The following MAP4K4 variants were observed in gnomAD, a reference collection of about 807,000 sequenced individuals.
MAP4K4 encodes the protein HPK/GCK-like kinase HGK.
Under a neutral mutation model 189.6 loss-of-function variants are expected in MAP4K4, and 38 were observed. That is an observed-to-expected ratio of 0.20 (90% CI 0.15 to 0.26). The LOEUF (loss-of-function observed/expected upper bound fraction) is 0.26. MAP4K4 is among the 10% of genes least tolerant of loss of function. The pLI is 1.00. For missense variants in MAP4K4, 1,054 were observed against 1,726.9 expected (o/e 0.61, Z 6.91); for synonymous variants, 610 against 624.3 (o/e 0.98, Z 0.34).
chr2:101,854,335 T>C (rs1411426356), intron 12 of MAP4K4, among the ~76,000 whole-genome samples: 1 of 152,212 alleles, frequency 6.6e-6, no homozygotes, highest in Non-Finnish European at 1.5e-5. Flanking sequence ...AGTTTTTAGA[T>C]ACTAGAGCAG....
intron 7 of MAP4K4, among the ~76,000 whole-genome samples, chr2:101,834,181 TTCCCTCCCTCCCC>T (rs913633090): frequency 8.2e-6 from 1 of 121,860 alleles, no homozygotes. Context: ...CTTCCCTCCC[TTCCCTCCCTCCCC>T]TCCCTCCATC....
At chr2:101,882,483 A>T in intron 27 of MAP4K4, 68 bp from the exon 28 acceptor site, 1 of 1,238,128 alleles carries the variant, frequency 8.1e-7, no homozygotes, top group Non-Finnish European at 1.1e-6. Flanking sequence ...TCTTTTGGTT[A>T]CTATTGTTAT....
At chr2:101,815,883 T>G (rs1462868729) in intron 3 of MAP4K4, among the ~76,000 whole-genome samples, 1 of 152,160 alleles carries the variant, frequency 6.6e-6, no homozygotes, top group African/African-American at 2.4e-5. Flanking sequence ...ATCAGGCTCT[T>G]TCCCTTACCT....
At chr2:101,798,615 A>C (rs1575735862) in intron 3 of MAP4K4, among the ~76,000 whole-genome samples, 1 of 152,198 alleles carries the variant, frequency 6.6e-6, no homozygotes, top group South Asian at 2.1e-4. Flanking sequence ...CCAGTTCACT[A>C]CAGGAGTATA....
intron 2 of MAP4K4, among the ~76,000 whole-genome samples, chr2:101,705,061 G>A (rs922296292): frequency 8.5e-5 from 13 of 152,174 alleles, no homozygotes; most frequent in African/African-American, 3.1e-4. Context: ...TTGTCTGTAA[G>A]AATCTCTAAG....
chr2:101,799,924 C>G (rs560436329), intron 3 of MAP4K4, among the ~76,000 whole-genome samples: 1 of 151,984 alleles, frequency 6.6e-6, no homozygotes, highest in Non-Finnish European at 1.5e-5. Context: ...CTATTTTAAT[C>G]GTTAGCTAGA....
At chr2:101,707,443 A>C (rs1573895847) in intron 2 of MAP4K4, among the ~76,000 whole-genome samples, 1 of 152,040 alleles carries the variant, frequency 6.6e-6, no homozygotes, top group Non-Finnish European at 1.5e-5. Flanking sequence ...TCCTGACCTC[A>C]GGTGATCCCC....
chr2:101,720,212 C>T (rs1355537442), intron 2 of MAP4K4, among the ~76,000 whole-genome samples: 1 of 144,432 alleles, frequency 6.9e-6, no homozygotes, highest in Non-Finnish European at 1.5e-5. Context: ...AGACCCCTGT[C>T]GCCCAGGCTA....
intron 2 of MAP4K4, among the ~76,000 whole-genome samples, chr2:101,709,301 C>T (rs1037773210): frequency 2.6e-5 from 4 of 152,204 alleles, no homozygotes; most frequent in African/African-American, 7.2e-5. Context: ...CTCCTGGGTT[C>T]AAGTGATTCT....
At chr2:101,884,053 C>T (rs1004911216) in intron 28 of MAP4K4, among the ~76,000 whole-genome samples, 3 of 152,112 alleles carry the variant, frequency 2.0e-5, no homozygotes, top group South Asian at 2.1e-4. Context: ...AAGAGGCAGA[C>T]GGGTTAAAAG....
Position 101,878,999 on chromosome 2 carries a change from T to C in MAP4K4, c.3385+1853T>C, listed in dbSNP as rs74872868. Among the ~76,000 whole-genome samples the C allele has an allele frequency of 6.9e-3, 1,055 of 152,156 alleles. 12 individuals carry two copies. Among genetic ancestry groups the C allele is most frequent in the African/African-American group, 0.024 (1,016 of 41,524 alleles). On this transcript the variant is annotated intron_variant, in intron 27 of 32. Transcript: ENST00000324219. The stretch of plus-strand genomic sequence containing the variant: ...AAGTTGGAGAAAACAAATCTGCATT[T>C]AGTGATCCAGTGAAACAAGACAGTT...
chr2:101,862,814 A>G (rs1462775560), intron 16 of MAP4K4, among the ~76,000 whole-genome samples: 1 of 152,254 alleles, frequency 6.6e-6, no homozygotes, highest in Non-Finnish European at 1.5e-5. Flanking sequence ...GGTATTATAC[A>G]AATCTCACCT....
In MAP4K4 at chr2:101,750,081, C is replaced by T. The variant is rs201705498; in HGVS notation, c.124-40639C>T. On this transcript the variant is annotated intron_variant, in intron 2 of 32. Transcript: ENST00000324219. ...TTGGTGGGACTGTAAATTAGTTCAA[C>T]CATTGTGGAAGTCAGTGTGGCGATT... Among the ~76,000 whole-genome samples the T allele has an allele frequency of 5.3e-4, 80 of 149,832 alleles. No homozygotes were observed. The East Asian group carries it at 0.014, about 27-fold the overall frequency.
chr2:101,858,409 T>G (rs1213758299), intron 13 of MAP4K4, among the ~76,000 whole-genome samples: 2 of 152,234 alleles, frequency 1.3e-5, no homozygotes, highest in Non-Finnish European at 2.9e-5. Context: ...TGTCTCTGTC[T>G]GTCACACACA....
At chr2:101,746,974 C>G (rs2065916657) in intron 2 of MAP4K4, among the ~76,000 whole-genome samples, 1 of 152,102 alleles carries the variant, frequency 6.6e-6, no homozygotes, top group African/African-American at 2.4e-5. Flanking sequence ...GCCCTTGTGT[C>G]CCCCTACTCT....
intron 2 of MAP4K4, among the ~76,000 whole-genome samples, chr2:101,712,578 C>T (rs747120048): frequency 9.2e-5 from 14 of 152,084 alleles, no homozygotes; most frequent in South Asian, 2.1e-4. Flanking sequence ...TGGCTCACTG[C>T]AACCTCCATC....
intron 12 of MAP4K4, among the ~76,000 whole-genome samples, chr2:101,850,397 C>CATT (rs2097247194): frequency 6.6e-6 from 1 of 152,130 alleles, no homozygotes; most frequent in African/African-American, 2.4e-5. Flanking sequence ...GCCATGCATG[C>CATT]ATTATGTGTT....
chr2:101,792,495 A>G (rs1281838552), intron 3 of MAP4K4, among the ~76,000 whole-genome samples: 1 of 152,194 alleles, frequency 6.6e-6, no homozygotes, highest in African/African-American at 2.4e-5. Flanking sequence ...GGCTCTGATT[A>G]TAAGTGTGCA....
intron 23 of MAP4K4, among the ~76,000 whole-genome samples, chr2:101,871,243 G>A (rs903954955): frequency 6.6e-6 from 1 of 152,114 alleles, no homozygotes; most frequent in Non-Finnish European, 1.5e-5. Flanking sequence ...AGAAGCTAGC[G>A]CAACAGATAA....
Sources: allele counts gnomAD v4.1 joint callset (sites outside exome capture counted in the v4.1 genomes callset), GRCh38; gene constraint gnomAD v4.1.1; transcripts MANE v1.5; gene names NCBI Gene and HGNC (gene_info 2026-07-23, HGNC 2026-07-21).